FRMD4A: variants seen among roughly 807,000 people sequenced by gnomAD.
The protein encoded by FRMD4A is FERM domain containing 4A.
FRMD4A carries 29 observed loss-of-function variants against 129.1 expected under a neutral mutation model. The ratio of observed to expected loss-of-function variants is 0.22; its 90% CI spans 0.17 to 0.31. The LOEUF (loss-of-function observed/expected upper bound fraction) is 0.31, where lower values mean the gene tolerates loss of function less well. FRMD4A is among the 10% of genes least tolerant of loss of function. FRMD4A has a pLI of 1.00. For missense variants in FRMD4A, 1,272 were observed against 1,375.8 expected, an observed-to-expected ratio of 0.92 and a Z score of 1.19; for synonymous variants, 634 against 571.6, an observed-to-expected ratio of 1.11 and a Z score of -1.56.
rs143814125 is a variant in FRMD4A, at chr10:13,703,810, T to A, written c.837-2332A>T. ...TCACGAGGTCAAGAGATTGAGACCA[T>A]CCTGGCCAACGTGATGAAATCCCAT... On this transcript the variant is annotated intron_variant, in intron 13 of 24. Transcript: ENST00000357447. Among the ~76,000 whole-genome samples, 6 of 152,190 alleles carry A rather than the reference T, an allele frequency of 3.9e-5. No homozygotes were observed. In the East Asian group the frequency reaches 9.7e-4, roughly 24 times the overall value.
Position 13,893,868 on chromosome 10 carries a change from T to C in FRMD4A, c.46-34956A>G, listed in dbSNP as rs1299118217. On this transcript the variant is annotated intron_variant, in intron 2 of 24. Transcript: ENST00000357447. Reference sequence around the variant, plus strand: ...CCATCCTTAGAGGAGTTGTTGAATTTTATCCACATCTACACCTCCTGCTTT... The same window carrying C: ...CCATCCTTAGAGGAGTTGTTGAATTCTATCCACATCTACACCTCCTGCTTT... Among the ~76,000 whole-genome samples, 10 of 151,628 alleles carry C rather than the reference T, an allele frequency of 6.6e-5. No homozygotes were observed. The East Asian group carries it at 1.9e-3, about 29-fold the overall frequency.
chr10:14,038,535 C>T (rs1423674792), intron 2 of FRMD4A, among the ~76,000 whole-genome samples: 1 of 152,064 alleles, frequency 6.6e-6, no homozygotes, highest in Non-Finnish European at 1.5e-5. Context: ...GATAGGCAAG[C>T]CCCCAAAAGA....
chr10:13,690,734 G>C (rs1222444365), intron 15 of FRMD4A, among the ~76,000 whole-genome samples: 2 of 152,212 alleles, frequency 1.3e-5, no homozygotes, highest in Non-Finnish European at 2.9e-5. Context: ...GAGCCGCTCT[G>C]CAAGTGGCCC....
chr10:13,687,843 T>A (rs888392333), intron 15 of FRMD4A, among the ~76,000 whole-genome samples: 3 of 152,190 alleles, frequency 2.0e-5, no homozygotes, highest in Non-Finnish European at 4.4e-5. Flanking sequence ...TTTCCTCCCA[T>A]CTGAATGCCA....
At chr10:14,183,886 G>T (rs746254033) in intron 2 of FRMD4A, among the ~76,000 whole-genome samples, 3 of 152,076 alleles carry the variant, frequency 2.0e-5, no homozygotes, top group Admixed American at 6.6e-5. Flanking sequence ...CATAACCTAA[G>T]AAACCAAACT....
intron 3 of FRMD4A, among the ~76,000 whole-genome samples, chr10:13,812,219 G>C (rs961107245): frequency 6.6e-6 from 1 of 152,174 alleles, no homozygotes; most frequent in Admixed American, 6.6e-5. Context: ...TACTGCCATG[G>C]ACTGAATTAT....
chr10:13,959,471 T>TAAAA (rs56192445), intron 2 of FRMD4A, among the ~76,000 whole-genome samples: 3 of 53,110 alleles, frequency 5.6e-5, no homozygotes, highest in African/African-American at 2.3e-4. Context: ...GACTGTTTCA[T>TAAAA]AAAAAAAAAA....
chr10:13,888,990 G>A (rs963059826), intron 2 of FRMD4A, among the ~76,000 whole-genome samples: 2 of 152,230 alleles, frequency 1.3e-5, no homozygotes, highest in African/African-American at 4.8e-5. Flanking sequence ...CTAAACGCAA[G>A]TCTTATGAGG....
At chr10:13,713,102 G>A (rs968317333) in intron 12 of FRMD4A, among the ~76,000 whole-genome samples, 5 of 152,158 alleles carry the variant, frequency 3.3e-5, no homozygotes, top group Non-Finnish European at 5.9e-5. Context: ...GGAGAACCTC[G>A]TCTTCCCCCG....
chr10:14,045,054 C>G (rs1833930618), intron 2 of FRMD4A, among the ~76,000 whole-genome samples: 1 of 152,112 alleles, frequency 6.6e-6, no homozygotes, highest in African/African-American at 2.4e-5. Context: ...AGGCACCCAC[C>G]ACCGTGCCCA....
intron 2 of FRMD4A, among the ~76,000 whole-genome samples, chr10:14,214,513 C>G (rs1368146289): frequency 6.6e-6 from 1 of 152,224 alleles, no homozygotes; most frequent in Non-Finnish European, 1.5e-5. Flanking sequence ...TAACCTGTCT[C>G]ATTTGAACCC....
chr10:14,155,669 G>C (rs1031789425), intron 2 of FRMD4A, among the ~76,000 whole-genome samples: 1 of 152,164 alleles, frequency 6.6e-6, no homozygotes, highest in Non-Finnish European at 1.5e-5. Flanking sequence ...CCACTGGAGA[G>C]GGCTCTGAGA....
At chr10:13,678,506 A>G (rs1207628349) in intron 15 of FRMD4A, among the ~76,000 whole-genome samples, 1 of 152,260 alleles carries the variant, frequency 6.6e-6, no homozygotes, top group Non-Finnish European at 1.5e-5. Flanking sequence ...CTTAATTCAT[A>G]AAGGCTGAAT....
intron 2 of FRMD4A, among the ~76,000 whole-genome samples, chr10:13,988,327 A>G (rs560314885): frequency 6.6e-6 from 1 of 152,324 alleles, no homozygotes; most frequent in Non-Finnish European, 1.5e-5. Flanking sequence ...CCTTGGTAGG[A>G]TGTCACAGAG....
chr10:13,749,849 C>CCTGTGATGCATGCCTGCATCAT, intron 8 of FRMD4A, among the ~76,000 whole-genome samples: 1 of 151,504 alleles, frequency 6.6e-6, no homozygotes, highest in Non-Finnish European at 1.5e-5. Flanking sequence ...ATTAGCCATG[C>CCTGTGATGCATGCCTGCATCAT]ACAGTGATGC....
chr10:14,262,069 C>T (rs1844825522), intron 2 of FRMD4A, among the ~76,000 whole-genome samples: 1 of 152,098 alleles, frequency 6.6e-6, no homozygotes, highest in East Asian at 1.9e-4. Flanking sequence ...TACTTCCTCT[C>T]CCTCTGTGCA....
intron 2 of FRMD4A, among the ~76,000 whole-genome samples, chr10:13,902,158 A>T (rs1279989488): frequency 6.6e-6 from 1 of 152,044 alleles, no homozygotes; most frequent in Non-Finnish European, 1.5e-5. Context: ...CTGGGGCTAC[A>T]GGCATGTACC....
rs192563725 is a variant in FRMD4A at position 13,781,674 on chromosome 10, A to C, written c.384+1248T>G. Among the ~76,000 whole-genome samples, 3 of 152,222 alleles carry C rather than the reference A, an allele frequency of 2.0e-5. No individual in the cohort carries two copies. In the East Asian group the frequency reaches 5.8e-4, roughly 29 times the overall value. ...ATTACAGGCATGAGCCACCACACAC[A>C]GCCAACATGGATGAACCTTGAGGCC... is the stretch of plus-strand genomic sequence containing the variant. On this transcript the variant is annotated intron_variant, in intron 6 of 24. Transcript: ENST00000357447.
chr10:14,103,456 A>T (rs1371080351), intron 2 of FRMD4A, among the ~76,000 whole-genome samples: 2 of 152,200 alleles, frequency 1.3e-5, no homozygotes, highest in African/African-American at 2.4e-5. Flanking sequence ...AGGTTGGTGG[A>T]GGAGCAAAAT....
Sources: allele counts gnomAD v4.1 joint callset (sites outside exome capture counted in the v4.1 genomes callset), GRCh38; gene constraint gnomAD v4.1.1; transcripts MANE v1.5; gene names NCBI Gene and HGNC (gene_info 2026-07-23, HGNC 2026-07-21).